Variants in GSK3B observed in about 807,000 individuals in gnomAD.
GSK3B encodes the protein glycogen synthase kinase 3 beta.
Under a neutral mutation model 56.4 loss-of-function variants are expected in GSK3B, and 15 were observed. The ratio of observed to expected loss-of-function variants is 0.27; its 90% CI spans 0.18 to 0.41. The LOEUF (loss-of-function observed/expected upper bound fraction) is 0.41, where lower values mean the gene tolerates loss of function less well. Ranked by LOEUF, GSK3B falls within the 10% of genes least tolerant of loss-of-function variation. The probability of loss-of-function intolerance (pLI) is 1.00; values close to 1 mark genes in which losing one functional copy is unlikely to be tolerated. For synonymous variants in GSK3B, 181 were observed against 188.9 expected (o/e 0.96, Z 0.34); for missense variants, 300 against 513.4 (o/e 0.58, Z 4.02).
In GSK3B at chr3:120,052,179, C is replaced by T. The variant is rs116392179; in HGVS notation, c.88+41168G>A. ...GATGTTTTACTATATAAAAAAGGTG[C>T]AAATTTTCAACAGGGCTCTAAAATG... On this transcript the variant is annotated intron_variant, in intron 1 of 10. Transcript: ENST00000264235. 4.3e-3 allele frequency among the ~76,000 whole-genome samples: 653 copies of T among 152,198 alleles called. 1 individual carries two copies. The highest frequency in any genetic ancestry group is 0.015 in the African/African-American group (617 of 41,528).
chr3:119,998,644 G>C (rs548264641), intron 2 of GSK3B, among the ~76,000 whole-genome samples: 57 of 152,216 alleles, frequency 3.7e-4, no homozygotes, highest in African/African-American at 1.3e-3. Context: ...CATGTAAAAT[G>C]GTGTTGTAAA....
Position 120,039,505 on chromosome 3 carries a change from C to A in GSK3B, c.89-37266G>T, listed in dbSNP as rs543761229. 1.6e-3 allele frequency among the ~76,000 whole-genome samples: 241 copies of A among 152,092 alleles called. 2 individuals carry two copies. The highest frequency in any genetic ancestry group is 5.4e-3 in the African/African-American group (222 of 41,478). On this transcript the variant is annotated intron_variant, in intron 1 of 10. Coordinates refer to ENST00000264235, the MANE Select transcript of GSK3B (RefSeq NM_001146156.2). ...GCCTCTAGTTACTGTAAAAAAAAAA[C>A]CAATCTTCCTGTCAGCTCTTATCAA... is the stretch of plus-strand genomic sequence containing the variant.
intron 10 of GSK3B, among the ~76,000 whole-genome samples, chr3:119,831,656 CAA>C (rs112424726): frequency 9.0e-5 from 7 of 78,128 alleles, no homozygotes; most frequent in African/African-American, 1.2e-4. Context: ...GACTCCGTCT[CAA>C]AAAAAAAAAA....
intron 10 of GSK3B, among the ~76,000 whole-genome samples, chr3:119,833,976 G>C (rs1050251960): frequency 2.6e-5 from 4 of 152,112 alleles, no homozygotes; most frequent in Non-Finnish European, 5.9e-5. Context: ...GGGATTGTAG[G>C]TGTGAGTCAC....
chr3:120,049,549 T>C (rs2058130661), intron 1 of GSK3B, among the ~76,000 whole-genome samples: 1 of 152,200 alleles, frequency 6.6e-6, no homozygotes. Context: ...AAGCATATAC[T>C]AGAGACAAAT....
At chr3:120,032,491 T>A (rs568446182) in intron 1 of GSK3B, among the ~76,000 whole-genome samples, 8 of 150,946 alleles carry the variant, frequency 5.3e-5, no homozygotes, top group African/African-American at 1.2e-4. Flanking sequence ...AAAAAAAAAA[T>A]TAATTTCATC....
chr3:120,065,785 G>A (rs1479249996), intron 1 of GSK3B, among the ~76,000 whole-genome samples: 1 of 152,158 alleles, frequency 6.6e-6, no homozygotes, highest in Admixed American at 6.5e-5. Flanking sequence ...CAGGAACGAA[G>A]TACTGATACA....
At chr3:119,843,177 A>G in intron 10 of GSK3B, 78 bp downstream of exon 10, 1 of 829,010 alleles carries the variant, frequency 1.2e-6, no homozygotes, top group Non-Finnish European at 2.0e-6. Context: ...GGCCTCCCAA[A>G]GTGCTGGGAT....
chr3:120,059,670 A>T (rs1305022865), intron 1 of GSK3B, among the ~76,000 whole-genome samples: 2 of 152,360 alleles, frequency 1.3e-5, no homozygotes, highest in East Asian at 3.9e-4. Context: ...AGGCTATGCC[A>T]GTTAGGCCAG....
intron 1 of GSK3B, among the ~76,000 whole-genome samples, chr3:120,038,879 G>C (rs979704360): frequency 6.7e-6 from 1 of 149,498 alleles, no homozygotes; most frequent in African/African-American, 2.4e-5. Flanking sequence ...CTCTTTGAAA[G>C]AAAGACACTA....
At chr3:119,869,223 C>CAA (rs67194724) in intron 8 of GSK3B, among the ~76,000 whole-genome samples, 1,083 of 54,810 alleles carry the variant, frequency 0.02, 282 homozygotes, top group Middle Eastern at 0.043. Flanking sequence ...GATTCCATCT[C>CAA]AAAAAAAAAA....
chr3:120,087,712 T>C (rs1458426741), intron 1 of GSK3B, among the ~76,000 whole-genome samples: 1 of 152,132 alleles, frequency 6.6e-6, no homozygotes, highest in Non-Finnish European at 1.5e-5. Context: ...AAATACATCA[T>C]TACTTCAAGT....
chr3:119,854,036 A>G (rs1157788976), intron 9 of GSK3B, among the ~76,000 whole-genome samples: 1 of 151,932 alleles, frequency 6.6e-6, no homozygotes, highest in African/African-American at 2.4e-5. Context: ...TTGCCCATTC[A>G]GTATGATATT....
intron 7 of GSK3B, among the ~76,000 whole-genome samples, chr3:119,886,121 A>G (rs184543031): frequency 1.3e-5 from 2 of 152,304 alleles, no homozygotes; most frequent in African/African-American, 2.4e-5. Flanking sequence ...GAATTGGAGA[A>G]AACAGACACA....
chr3:119,929,758 C>T (rs1258101022), intron 3 of GSK3B, among the ~76,000 whole-genome samples: 1 of 151,908 alleles, frequency 6.6e-6, no homozygotes, highest in Non-Finnish European at 1.5e-5. Flanking sequence ...CAAAATTAGC[C>T]AGGCATGGTG....
chr3:119,958,016 G>A (rs1385462043), intron 2 of GSK3B, among the ~76,000 whole-genome samples: 1 of 152,074 alleles, frequency 6.6e-6, no homozygotes, highest in Non-Finnish European at 1.5e-5. Context: ...ACGTGCTGAG[G>A]CGAGGACCTA....
intron 10 of GSK3B, among the ~76,000 whole-genome samples, chr3:119,840,152 T>C (rs145930690): frequency 1.3e-5 from 2 of 152,292 alleles, no homozygotes; most frequent in Non-Finnish European, 2.9e-5. Flanking sequence ...ATAGGTTCTT[T>C]TGTCATAAGA....
chr3:119,827,745 G>C (rs933557625), intron 10 of GSK3B, among the ~76,000 whole-genome samples: 2 of 151,904 alleles, frequency 1.3e-5, no homozygotes, highest in African/African-American at 4.8e-5. Flanking sequence ...AACTTTGCAT[G>C]TTCTCACTTA....
intron 7 of GSK3B, among the ~76,000 whole-genome samples, chr3:119,896,982 G>T (rs1306515922): frequency 6.6e-6 from 1 of 152,180 alleles, no homozygotes; most frequent in African/African-American, 2.4e-5. Context: ...CATATGGATG[G>T]TCCTTTGACT....
Sources: gnomAD v4.1 joint callset for allele counts (sites outside exome capture counted in the v4.1 genomes callset) on GRCh38, gnomAD v4.1.1 for gene constraint, MANE v1.5 for transcripts, NCBI Gene and HGNC (gene_info 2026-07-23, HGNC 2026-07-21) for gene names.